SLC24A1: variants seen among roughly 807,000 people sequenced by gnomAD.
The protein encoded by SLC24A1 is sodium/potassium/calcium exchanger 1.
A neutral mutation model predicts 88.1 loss-of-function variants in SLC24A1; 52 were observed. The observed-to-expected ratio is 0.59, with a 90% confidence interval of 0.47 to 0.74. The LOEUF (loss-of-function observed/expected upper bound fraction) is 0.74, where lower values mean the gene tolerates loss of function less well. Ranked by LOEUF, SLC24A1 falls within the 30% of genes least tolerant of loss-of-function variation. The pLI is 0.00. For missense variants in SLC24A1, 1,173 were observed against 1,363.3 expected, an observed-to-expected ratio of 0.86 and a Z score of 2.20; for synonymous variants, 455 against 498.0, an observed-to-expected ratio of 0.91 and a Z score of 1.15.
chr15:65,639,842 A>G, intron 4 of SLC24A1, 139 bp downstream of exon 4: 1 of 695,840 alleles, frequency 1.4e-6, no homozygotes, highest in Non-Finnish European at 2.6e-6. Flanking sequence ...GGAAAGTAGT[A>G]AAAGTCAGAC....
At chr15:65,657,908 G>A (rs1210568231), downstream of SLC24A1, 2 of 152,138 alleles carry the variant, frequency 1.3e-5, no homozygotes, top group Non-Finnish European at 2.9e-5. Flanking sequence ...TAGGTCCTTC[G>A]CTGTATGAGC....
Position 65,644,444 on chromosome 15 carries a change from A to G in SLC24A1, c.2071A>G (p.Lys691Glu), listed in dbSNP as rs774184840. The G allele has an allele frequency of 1.8e-5, 29 of 1,593,970 alleles. No individual in the cohort carries two copies. The South Asian group carries it at 1.9e-4, about 11-fold the overall frequency. The change falls in exon 5 of 10, where the codon AAG (lysine) becomes GAG (glutamate). Residue 691 changes from lysine (K) to glutamate (E), a missense_variant. Coordinates refer to ENST00000261892, the MANE Select transcript of SLC24A1 (RefSeq NM_004727.3). The part of the protein sequence containing the change: ...PLREVRLAKE[K>E]EEESLNQGAR... Reference sequence around the variant, plus strand: ...ATTTGCAGTTCGCCTTGCCAAGGAGAAGGAGGAGGAGAGCTTGAATCAAGG... The same window carrying G: ...ATTTGCAGTTCGCCTTGCCAAGGAGGAGGAGGAGGAGAGCTTGAATCAAGG...
chr15:65,617,249 T>G (rs563304143), upstream of SLC24A1, among the ~76,000 whole-genome samples: 5 of 152,342 alleles, frequency 3.3e-5, no homozygotes, highest in South Asian at 1.0e-3. Flanking sequence ...AAGTAGTTTT[T>G]TCCAATTCTG....
chr15:65,620,368 T>C (rs1449372149), upstream of SLC24A1, among the ~76,000 whole-genome samples: 1 of 152,038 alleles, frequency 6.6e-6, no homozygotes, highest in Non-Finnish European at 1.5e-5. Context: ...AAAACAACAA[T>C]AGTACCCGGC....
At chr15:65,632,192 A>G (rs2074752831) in intron 2 of SLC24A1, among the ~76,000 whole-genome samples, 1 of 152,206 alleles carries the variant, frequency 6.6e-6, no homozygotes, top group Admixed American at 6.5e-5. Flanking sequence ...GCTGCTGAGT[A>G]GAGAATGAAT....
At chr15:65,617,842 A>G (rs2074198827), upstream of SLC24A1, among the ~76,000 whole-genome samples, 1 of 152,306 alleles carries the variant, frequency 6.6e-6, no homozygotes, top group Non-Finnish European at 1.5e-5. Flanking sequence ...GTTTTTGCCC[A>G]TTCATTATGA....
intron 2 of SLC24A1, among the ~76,000 whole-genome samples, chr15:65,628,960 T>G (rs890765755): frequency 4.6e-5 from 7 of 152,200 alleles, no homozygotes; most frequent in Non-Finnish European, 1.0e-4. Flanking sequence ...GGCAAACTTT[T>G]TCGGTAAAGG....
At chr15:65,633,553 A>G (rs1041832248) in intron 2 of SLC24A1, among the ~76,000 whole-genome samples, 2 of 151,842 alleles carry the variant, frequency 1.3e-5, no homozygotes, top group Non-Finnish European at 2.9e-5. Flanking sequence ...CCAGCTACTC[A>G]GGAGGCTGAG....
downstream of SLC24A1, chr15:65,659,696 T>C (rs8031179): frequency 0.57 from 85,972 of 152,080 alleles, 26,981 homozygotes; most frequent in African/African-American, 0.84. Flanking sequence ...ACTTTGTATT[T>C]GTGTTTTAGG....
At chr15:65,635,446 C>CAAAAAAAAAAA (rs56960432) in intron 2 of SLC24A1, among the ~76,000 whole-genome samples, 270 of 58,036 alleles carry the variant, frequency 4.7e-3, no homozygotes, top group African/African-American at 5.5e-3. Flanking sequence ...ACTCCGTCTC[C>CAAAAAAAAAAA]AAAAAAAAAA....
chr15:65,639,766 G>T, intron 4 of SLC24A1, 63 bp downstream of exon 4: 5 of 1,060,520 alleles, frequency 4.7e-6, no homozygotes, highest in Non-Finnish European at 5.7e-6. Context: ...CCTGCAGCTG[G>T]AGAAGAACTG....
At chr15:65,647,365 C>CT (rs2075335965) in intron 6 of SLC24A1, among the ~76,000 whole-genome samples, 1 of 151,142 alleles carries the variant, frequency 6.6e-6, no homozygotes, top group East Asian at 2.0e-4. Context: ...GTAATCCCAG[C>CT]TACTTGGGAG....
chr15:65,635,754 A>G (rs560964192), intron 2 of SLC24A1, among the ~76,000 whole-genome samples: 72 of 152,278 alleles, frequency 4.7e-4, no homozygotes, highest in African/African-American at 1.6e-3. Context: ...AATTCTACCT[A>G]TTTCAGAAAG....
chr15:65,624,459 A>G lies in SLC24A1; in HGVS notation c.379A>G (p.Lys127Glu), dbSNP rs769713196. ...AGCCAAGATGATCCCAACAACAACC[A>G]AGAATAATTACAGCCCAACAGCAGC... The part of the protein sequence containing the change: ...RTAKMIPTTT[K>E]NNYSPTAAGT... The change falls in exon 2 of 10, where the codon AAG (lysine) becomes GAG (glutamate). Residue 127 changes from lysine to glutamate, a missense_variant. By Grantham distance (56) the Lys-to-Glu change is moderately conservative. Coordinates refer to ENST00000261892, the MANE Select transcript of SLC24A1 (RefSeq NM_004727.3). The G allele has an allele frequency of 1.9e-6, 3 of 1,611,024 alleles. No individual in the cohort carries two copies. In the South Asian group the frequency reaches 3.3e-5, roughly 18 times the overall value.
At chr15:65,618,695 A>T (rs1156764461), upstream of SLC24A1, among the ~76,000 whole-genome samples, 4 of 152,184 alleles carry the variant, frequency 2.6e-5, no homozygotes, top group Non-Finnish European at 4.4e-5. Flanking sequence ...CTTACAGGGA[A>T]AAAAAAGGTA....
chr15:65,647,574 G>T (rs1414876229), intron 6 of SLC24A1, among the ~76,000 whole-genome samples: 1 of 151,906 alleles, frequency 6.6e-6, no homozygotes, highest in Non-Finnish European at 1.5e-5. Context: ...CCAACTGGTT[G>T]TGGCTGGCTG....
chr15:65,613,486 G>A (rs902911077), intron 2 of SLC24A1, among the ~76,000 whole-genome samples: 21 of 151,808 alleles, frequency 1.4e-4, no homozygotes, highest in African/African-American at 4.8e-4. Context: ...GATTTTGTGT[G>A]TGTGTGTGTG....
At chr15:65,643,057 G>A (rs1436889496) in intron 4 of SLC24A1, 15 of 1,285,966 alleles carry the variant, frequency 1.2e-5, no homozygotes, top group African/African-American at 1.5e-5. Flanking sequence ...CATCATTGTT[G>A]TTGTTGTTGT....
chr15:65,618,656 T>C (rs2074225560), upstream of SLC24A1, among the ~76,000 whole-genome samples: 1 of 152,202 alleles, frequency 6.6e-6, no homozygotes, highest in Non-Finnish European at 1.5e-5. Context: ...TGGCACTGGG[T>C]GTTATTTAAA....
Sources: allele counts gnomAD v4.1 joint callset (sites outside exome capture counted in the v4.1 genomes callset), GRCh38; gene constraint gnomAD v4.1.1; transcripts MANE v1.5; gene names NCBI Gene and HGNC (gene_info 2026-07-23, HGNC 2026-07-21).